RUFY1: variants seen among roughly 807,000 people sequenced by gnomAD.
RUFY1 encodes RUN and FYVE domain containing 1.
In RUFY1, 54 loss-of-function variants were observed where a neutral mutation model predicts 94.6. The ratio of observed to expected loss-of-function variants is 0.57; its 90% CI spans 0.46 to 0.72. RUFY1 has a LOEUF of 0.72. Among genes scored for constraint, RUFY1 ranks in the 30% least tolerant of loss-of-function variants. The pLI is 0.00. For missense variants in RUFY1, 883 were observed against 883.9 expected, an observed-to-expected ratio of 1.00 and a Z score of 0.01; for synonymous variants, 396 against 347.3, an observed-to-expected ratio of 1.14 and a Z score of -1.56.
chr5:179,603,089 G>A (rs966688677), intron 15 of RUFY1, among the ~76,000 whole-genome samples: 2 of 152,106 alleles, frequency 1.3e-5, no homozygotes, highest in Non-Finnish European at 1.5e-5. Flanking sequence ...CCAACATAGT[G>A]AAGCCCCGTC....
chr5:179,590,363 A>G (rs898057151), intron 9 of RUFY1, among the ~76,000 whole-genome samples: 5 of 151,678 alleles, frequency 3.3e-5, no homozygotes, highest in East Asian at 1.9e-4. Context: ...CAAAAAAAAA[A>G]AGAGAGACCA....
At chr5:179,603,925 A>G (rs1472562799) in intron 15 of RUFY1, among the ~76,000 whole-genome samples, 1 of 151,948 alleles carries the variant, frequency 6.6e-6, no homozygotes, top group Non-Finnish European at 1.5e-5. Context: ...GGCATGGTGG[A>G]GCGCGCCTGT....
At chr5:179,557,583 CTTTTAG>C (rs1301675145) in intron 1 of RUFY1, among the ~76,000 whole-genome samples, 5 of 152,040 alleles carry the variant, frequency 3.3e-5, no homozygotes, top group African/African-American at 1.2e-4. Context: ...GACAAAAATA[CTTTTAG>C]TTTATCATGT....
Position 179,577,088 on chromosome 5 carries a change from A to AT in RUFY1, c.847dup (p.Ser283PhefsTer5), listed in dbSNP as rs1763669760. On this transcript the variant is annotated frameshift_variant, in exon 6 of 18. Coordinates refer to ENST00000319449, the MANE Select transcript of RUFY1 (RefSeq NM_025158.5). LOFTEE classifies it high-confidence loss of function. Reference sequence around the variant, plus strand: ...TATTTCGTTTAGGTTGGAGTAATAGATTTTTCCCTCTACCTTAAGGATGTG... The same window carrying AT: ...TATTTCGTTTAGGTTGGAGTAATAGATTTTTTCCCTCTACCTTAAGGATGTG... 1.3e-6 allele frequency: 2 copies of AT among 1,546,722 alleles called. No homozygotes were observed. The highest frequency in any genetic ancestry group is 1.8e-6 in the Non-Finnish European group (2 of 1,138,498).
chr5:179,607,386 A>T (rs983702280), intron 16 of RUFY1, 196 bp from the exon 17 acceptor site: 1 of 595,774 alleles, frequency 1.7e-6, no homozygotes, highest in Admixed American at 2.9e-5. Flanking sequence ...CGGAGCTAGG[A>T]TGCAGAAATC....
chr5:179,595,613 G>A (rs1046120590), intron 12 of RUFY1, among the ~76,000 whole-genome samples: 5 of 150,430 alleles, frequency 3.3e-5, no homozygotes, highest in Non-Finnish European at 7.4e-5. Context: ...GTGCAATGGT[G>A]CGATCTCAGC....
intron 12 of RUFY1, among the ~76,000 whole-genome samples, chr5:179,595,334 T>G (rs1278494227): frequency 6.6e-6 from 1 of 152,034 alleles, no homozygotes; most frequent in East Asian, 1.9e-4. Flanking sequence ...AAAAAATTAG[T>G]GGGCAACAAG....
chr5:179,557,671 A>G (rs1193315567), intron 1 of RUFY1, among the ~76,000 whole-genome samples: 2 of 152,158 alleles, frequency 1.3e-5, no homozygotes, highest in Non-Finnish European at 2.9e-5. Context: ...ATGGCCATCA[A>G]GCTAATGGCA....
intron 6 of RUFY1, among the ~76,000 whole-genome samples, chr5:179,579,857 C>T (rs1001788918): frequency 2.0e-5 from 3 of 151,052 alleles, no homozygotes; most frequent in Non-Finnish European, 2.9e-5. Flanking sequence ...TTAGTAGAGA[C>T]GAGGTTTCAC....
chr5:179,604,710 G>T (rs1157686744), intron 15 of RUFY1, among the ~76,000 whole-genome samples: 1 of 152,180 alleles, frequency 6.6e-6, no homozygotes, highest in Admixed American at 6.5e-5. Flanking sequence ...GGCTGGGCGT[G>T]GGGGCTCAGG....
At chr5:179,583,955 A>C (rs1052333895) in intron 7 of RUFY1, among the ~76,000 whole-genome samples, 6 of 151,318 alleles carry the variant, frequency 4.0e-5, no homozygotes, top group Non-Finnish European at 8.8e-5. Flanking sequence ...TCACCGTGTT[A>C]GCCAGGATGG....
At chr5:179,590,042 A>C (rs573976577) in intron 9 of RUFY1, among the ~76,000 whole-genome samples, 38 of 152,246 alleles carry the variant, frequency 2.5e-4, no homozygotes, top group African/African-American at 8.2e-4. Flanking sequence ...GCTCTATCAC[A>C]TGATGACTTG....
chr5:179,559,941 T>C, intron 1 of RUFY1, 84 bp from the exon 2 acceptor site: 2 of 1,517,010 alleles, frequency 1.3e-6, no homozygotes, highest in South Asian at 1.3e-5. Flanking sequence ...GCCTCCTGCC[T>C]GACCCGTCTT....
chr5:179,581,364 G>GA (rs1176406149), intron 7 of RUFY1, among the ~76,000 whole-genome samples: 4 of 151,530 alleles, frequency 2.6e-5, no homozygotes, highest in Non-Finnish European at 4.4e-5. Context: ...ATTAGGCCAG[G>GA]AAAAAAGAGT....
At chr5:179,559,006 T>C (rs1762246645) in intron 1 of RUFY1, among the ~76,000 whole-genome samples, 1 of 152,108 alleles carries the variant, frequency 6.6e-6, no homozygotes, top group Non-Finnish European at 1.5e-5. Context: ...TAAACAGAAG[T>C]TATTTAACCT....
intron 8 of RUFY1, chr5:179,589,322 G>T: frequency 2.1e-6 from 1 of 487,292 alleles, no homozygotes. Flanking sequence ...AATCTGGAGA[G>T]GGCAGAGATG....
chr5:179,590,876 C>T (rs1486323339), intron 9 of RUFY1: 1 of 151,864 alleles, frequency 6.6e-6, no homozygotes, highest in Non-Finnish European at 1.5e-5. Context: ...TGCTGTCACC[C>T]AGGCTGGAAT....
At chr5:179,562,804 C>G in intron 3 of RUFY1, 140 bp downstream of exon 3, 1 of 627,856 alleles carries the variant, frequency 1.6e-6, no homozygotes, top group Non-Finnish European at 2.9e-6. Flanking sequence ...TCTAGCAAGA[C>G]TTGACTCTCT....
At position 179,577,119 on chromosome 5, in the gene RUFY1, T is replaced by A; in HGVS notation, c.873T>A (p.Asp291Glu). The A allele has an allele frequency of 1.3e-6, 2 of 1,590,390 alleles. No homozygotes were observed. Among genetic ancestry groups the A allele is most frequent in the Non-Finnish European group, 1.7e-6 (2 of 1,160,592 alleles). The change falls in exon 6 of 18, where the codon GAT becomes GAA. Residue 291 changes from aspartate (D) to glutamate (E), a missense_variant. By Grantham distance (45) the Asp-to-Glu change is conservative (BLOSUM62 2). Coordinates refer to ENST00000319449, the MANE Select transcript of RUFY1 (RefSeq NM_025158.5). ...DFSLYLKDVQ[D>E]LDGGKEHERI... ...CCCTCTACCTTAAGGATGTGCAGGA[T>A]CTTGATGGTGGCAAGGAGTAAGTAC...
Sources: allele counts gnomAD v4.1 joint callset (sites outside exome capture counted in the v4.1 genomes callset), GRCh38; gene constraint gnomAD v4.1.1; transcripts MANE v1.5; gene names NCBI Gene and HGNC (gene_info 2026-07-23, HGNC 2026-07-21).